Variants in DNM3 observed in about 807,000 individuals in gnomAD.
The protein encoded by DNM3 is dynamin-3.
Under a neutral mutation model 101.6 loss-of-function variants are expected in DNM3, and 47 were observed. The ratio of observed to expected loss-of-function variants is 0.46; its 90% CI spans 0.37 to 0.59. The LOEUF is 0.59. Among genes scored for constraint, DNM3 ranks in the 20% least tolerant of loss-of-function variants. The pLI, the probability that DNM3 is intolerant of heterozygous loss-of-function variation, is 0.00. For missense variants in DNM3, 849 were observed against 1,085.7 expected (o/e 0.78, Z 3.06); for synonymous variants, 385 against 387.9 (o/e 0.99, Z 0.09).
intron 13 of DNM3, among the ~76,000 whole-genome samples, chr1:172,128,720 G>T (rs556618533): frequency 3.9e-5 from 6 of 152,272 alleles, no homozygotes; most frequent in African/African-American, 1.2e-4. Context: ...ACCACCATAT[G>T]TGGTTAGTGG....
intron 14 of DNM3, among the ~76,000 whole-genome samples, chr1:172,183,461 T>C (rs1337618865): frequency 6.6e-6 from 1 of 152,150 alleles, no homozygotes; most frequent in African/African-American, 2.4e-5. Context: ...AATACAGTGA[T>C]TCTGGGTTTC....
chr1:172,401,912 G>A (rs1304005592), intron 20 of DNM3, among the ~76,000 whole-genome samples: 2 of 152,190 alleles, frequency 1.3e-5, no homozygotes, highest in East Asian at 3.9e-4. Context: ...TTAAAATACA[G>A]TGTCCCAAAA....
At chr1:172,149,358 C>T (rs1019835453) in intron 14 of DNM3, among the ~76,000 whole-genome samples, 2 of 152,072 alleles carry the variant, frequency 1.3e-5, no homozygotes, top group African/African-American at 4.8e-5. Flanking sequence ...GCAGACAAAC[C>T]TTAAAAACTC....
intron 6 of DNM3, among the ~76,000 whole-genome samples, chr1:172,035,117 G>T (rs1462045724): frequency 1.3e-5 from 2 of 152,116 alleles, no homozygotes; most frequent in African/African-American, 2.4e-5. Flanking sequence ...CAGGAAAATT[G>T]AGGACTAGGT....
At chr1:172,217,034 A>T (rs572545987) in intron 14 of DNM3, among the ~76,000 whole-genome samples, 18 of 152,272 alleles carry the variant, frequency 1.2e-4, no homozygotes, top group Admixed American at 1.1e-3. Flanking sequence ...TCAGTTTATT[A>T]ATTGGGGTGA....
At chr1:172,102,344 T>C (rs2054708738) in intron 13 of DNM3, among the ~76,000 whole-genome samples, 2 of 152,166 alleles carry the variant, frequency 1.3e-5, no homozygotes. Context: ...TAATCATTAT[T>C]TTATTATAAT....
At chr1:172,391,557 G>T (rs545419506) in intron 20 of DNM3, among the ~76,000 whole-genome samples, 1 of 152,130 alleles carries the variant, frequency 6.6e-6, no homozygotes, top group Non-Finnish European at 1.5e-5. Flanking sequence ...TGAGAGAAGC[G>T]CTTGTTGAAA....
chr1:172,315,430 A>G (rs2065289863), intron 16 of DNM3, among the ~76,000 whole-genome samples: 1 of 152,262 alleles, frequency 6.6e-6, no homozygotes, highest in South Asian at 2.1e-4. Flanking sequence ...GCAGACGATC[A>G]AACTACTCCG....
At chr1:171,850,080 T>A (rs975426750) in intron 1 of DNM3, among the ~76,000 whole-genome samples, 3 of 152,150 alleles carry the variant, frequency 2.0e-5, no homozygotes, top group African/African-American at 2.4e-5. Flanking sequence ...GAAAAACAAT[T>A]GAGGAAGTCT....
chr1:172,040,426 G>A (rs775393470), intron 7 of DNM3, among the ~76,000 whole-genome samples: 6 of 151,388 alleles, frequency 4.0e-5, no homozygotes, highest in Non-Finnish European at 7.4e-5. Context: ...AGTAGTTCCA[G>A]TATGTTTAAA....
At chr1:172,306,045 G>C (rs2064793957) in intron 15 of DNM3, among the ~76,000 whole-genome samples, 1 of 152,168 alleles carries the variant, frequency 6.6e-6, no homozygotes, top group Admixed American at 6.5e-5. Context: ...AATCAGGCAA[G>C]AGAAAGAAAT....
At chr1:172,047,137 A>T (rs998923701) in intron 9 of DNM3, among the ~76,000 whole-genome samples, 2 of 151,958 alleles carry the variant, frequency 1.3e-5, no homozygotes, top group African/African-American at 4.8e-5. Context: ...ATTTGATTCC[A>T]TTGGCTATTT....
At chr1:172,013,553 G>A (rs1020162839) in intron 4 of DNM3, among the ~76,000 whole-genome samples, 1 of 152,062 alleles carries the variant, frequency 6.6e-6, no homozygotes, top group African/African-American at 2.4e-5. Context: ...CAGGCTCCTA[G>A]TGTTGTATAA....
intron 4 of DNM3, among the ~76,000 whole-genome samples, chr1:171,991,101 C>T (rs918164573): frequency 1.3e-5 from 2 of 152,150 alleles, no homozygotes; most frequent in African/African-American, 4.8e-5. Flanking sequence ...GTAGAAAAAA[C>T]AAACTCAGCT....
At chr1:172,226,459 T>G (rs1479328126) in intron 14 of DNM3, among the ~76,000 whole-genome samples, 1 of 152,224 alleles carries the variant, frequency 6.6e-6, no homozygotes, top group Non-Finnish European at 1.5e-5. Context: ...TACTAGCTCT[T>G]TTCTTTTTTG....
chr1:172,321,707 A>G (rs1288162613), intron 16 of DNM3, among the ~76,000 whole-genome samples: 2 of 152,142 alleles, frequency 1.3e-5, no homozygotes, highest in Non-Finnish European at 2.9e-5. Flanking sequence ...CCTAATGTGC[A>G]AAAATACTTG....
rs12093397 is a variant in DNM3 at position 171,861,034 on chromosome 1, A to G, written c.161+19217A>G. Among the ~76,000 whole-genome samples, 1,282 of 152,234 alleles carry G rather than the reference A, an allele frequency of 8.4e-3. 25 individuals carry two copies. The highest frequency in any genetic ancestry group is 0.029 in the African/African-American group (1,225 of 41,552). ...ATTAATCAGTACTTGTCAATATATC[A>G]TTGATATTTAAAACCTTAAGACTGC... is the stretch of plus-strand genomic sequence containing the variant. On this transcript the variant is annotated intron_variant, in intron 1 of 20. Transcript: ENST00000627582.
At chr1:172,032,379 T>C (rs370971125) in intron 4 of DNM3, 23 bp from the exon 5 acceptor site, 1 of 1,563,016 alleles carries the variant, frequency 6.4e-7, no homozygotes, top group South Asian at 1.1e-5. Flanking sequence ...AATTGTGTAA[T>C]GTTGGGTTTG....
intron 10 of DNM3, among the ~76,000 whole-genome samples, chr1:172,061,016 C>T: frequency 8.6e-6 from 1 of 116,278 alleles, no homozygotes; most frequent in Non-Finnish European, 1.7e-5. Flanking sequence ...AAACAAACAA[C>T]CCCATCAAAA....
Sources: gnomAD v4.1 joint callset for allele counts (sites outside exome capture counted in the v4.1 genomes callset) on GRCh38, gnomAD v4.1.1 for gene constraint, MANE v1.5 for transcripts, NCBI Gene and HGNC (gene_info 2026-07-23, HGNC 2026-07-21) for gene names.